RBFOX1: variants seen among roughly 807,000 people sequenced by gnomAD.
RBFOX1 encodes the protein RNA binding protein fox-1 homolog 1.
In RBFOX1, 8 loss-of-function variants were observed where a neutral mutation model predicts 57.7. That is an observed-to-expected ratio of 0.14 (90% CI 0.08 to 0.25). The LOEUF (loss-of-function observed/expected upper bound fraction) is 0.25, where lower values mean the gene tolerates loss of function less well. Ranked by LOEUF, RBFOX1 falls within the 10% of genes least tolerant of loss-of-function variation. The pLI is 1.00. For synonymous variants in RBFOX1, 326 were observed against 222.4 expected (o/e 1.47, Z -4.15); for missense variants, 611 against 548.5 (o/e 1.11, Z -1.14).
intron 5 of RBFOX1, among the ~76,000 whole-genome samples, chr16:7,551,286 G>C (rs984017086): frequency 3.3e-5 from 5 of 152,004 alleles, no homozygotes; most frequent in African/African-American, 1.2e-4. Flanking sequence ...TTAGAAAAAA[G>C]TCACCATACA....
intron 3 of RBFOX1, among the ~76,000 whole-genome samples, chr16:5,658,456 A>G (rs1197234152): frequency 6.6e-6 from 1 of 152,052 alleles, no homozygotes; most frequent in Non-Finnish European, 1.5e-5. Context: ...TCACTTGATG[A>G]GACTTGGGAT....
chr16:7,179,504 G>C (rs2082284128), intron 4 of RBFOX1, among the ~76,000 whole-genome samples: 1 of 152,062 alleles, frequency 6.6e-6, no homozygotes, highest in African/African-American at 2.4e-5. Context: ...CCAGGCTGCA[G>C]ACCAATTAAT....
chr16:5,310,881 G>C (rs1040267376), intron 1 of RBFOX1, among the ~76,000 whole-genome samples: 5 of 152,140 alleles, frequency 3.3e-5, no homozygotes, highest in Non-Finnish European at 7.3e-5. Flanking sequence ...AGTCTAAGTG[G>C]TTTTTGGTCA....
At chr16:6,325,762 A>C (rs2082299775) in intron 2 of RBFOX1, among the ~76,000 whole-genome samples, 1 of 152,196 alleles carries the variant, frequency 6.6e-6, no homozygotes, top group Middle Eastern at 3.2e-3. Flanking sequence ...ACTTTTGAGA[A>C]GCTCCAAAGC....
At chr16:6,677,122 G>A (rs530304573) in intron 3 of RBFOX1, among the ~76,000 whole-genome samples, 1 of 152,262 alleles carries the variant, frequency 6.6e-6, no homozygotes, top group East Asian at 1.9e-4. Flanking sequence ...TAAAAAAGTA[G>A]ATAGATACTT....
At position 6,693,654 on chromosome 16, in the gene RBFOX1, T is replaced by A. The variant is rs2060582260; in HGVS notation, c.-16+39004T>A. On this transcript the variant is annotated intron_variant, in intron 3 of 15. Transcript: ENST00000550418. ...TTCACTACCATCACCACCACAATCATCATCATCATCCTCATCTGCTACCAT... is the reference window on the plus strand; with the variant it reads ...TTCACTACCATCACCACCACAATCAACATCATCATCCTCATCTGCTACCAT... Among the ~76,000 whole-genome samples, 4 of 149,474 alleles carry A rather than the reference T, an allele frequency of 2.7e-5. No individual in the cohort carries two copies. The South Asian group carries it at 8.5e-4, about 32-fold the overall frequency.
At chr16:7,549,778 G>A (rs2085750284) in intron 5 of RBFOX1, among the ~76,000 whole-genome samples, 1 of 152,122 alleles carries the variant, frequency 6.6e-6, no homozygotes, top group African/African-American at 2.4e-5. Flanking sequence ...TGTCCACTCA[G>A]ATTGTACGTG....
At chr16:5,637,729 G>T (rs1204505256) in intron 3 of RBFOX1, among the ~76,000 whole-genome samples, 3 of 152,164 alleles carry the variant, frequency 2.0e-5, no homozygotes, top group African/African-American at 7.2e-5. Context: ...TGGAACAGGA[G>T]ATGTGTATAT....
chr16:5,872,267 A>G (rs1282483176), intron 4 of RBFOX1, among the ~76,000 whole-genome samples: 1 of 152,230 alleles, frequency 6.6e-6, no homozygotes, highest in Non-Finnish European at 1.5e-5. Flanking sequence ...TTACAGTGGA[A>G]AGAGCAAGAG....
intron 2 of RBFOX1, among the ~76,000 whole-genome samples, chr16:6,332,670 G>C (rs2083185031): frequency 6.6e-6 from 1 of 152,114 alleles, no homozygotes. Context: ...CCACATTAGG[G>C]GTTCTGGGAA....
In RBFOX1 at chr16:7,671,737, T is replaced by A; in HGVS notation, c.931-5037T>A. 5.2e-6 allele frequency: 4 copies of A among 770,548 alleles called. No individual in the cohort carries two copies. In the South Asian group the frequency reaches 6.3e-5, roughly 12 times the overall value. The allele number at this position is 770,548 out of a possible 1,614,324, so 47.7% of individuals were successfully genotyped here. On this transcript the variant is annotated intron_variant, in intron 13 of 15. Transcript: ENST00000550418. ...AAGACTTAACTGAATTTTCCAGTTTTAATATGAAATCTCCTAGAATAGAGG... is the reference window on the plus strand; with the variant it reads ...AAGACTTAACTGAATTTTCCAGTTTAAATATGAAATCTCCTAGAATAGAGG...
chr16:6,349,267 G>A lies in RBFOX1; in HGVS notation c.-64+32210G>A, dbSNP rs149133366. 3.6e-3 allele frequency among the ~76,000 whole-genome samples: 553 copies of A among 152,240 alleles called. 1 individual carries two copies. Among genetic ancestry groups the A allele is most frequent in the Non-Finnish European group, 6.6e-3 (446 of 68,014 alleles). ...ACTTTCTGTTATCCCTTACCTAGCC[G>A]ACGACTTGAGTGTAGAATTCACTCA... On this transcript the variant is annotated intron_variant, in intron 2 of 15. Transcript: ENST00000550418.
intron 2 of RBFOX1, among the ~76,000 whole-genome samples, chr16:6,374,683 C>T (rs1247086977): frequency 1.3e-5 from 2 of 152,310 alleles, no homozygotes; most frequent in Non-Finnish European, 2.9e-5. Context: ...GACCAAGTAA[C>T]ATTTTCCCAT....
At chr16:6,596,025 A>G (rs2097773533) in intron 2 of RBFOX1, among the ~76,000 whole-genome samples, 2 of 152,018 alleles carry the variant, frequency 1.3e-5, no homozygotes. Context: ...CTGAATAAAA[A>G]TTTTCAAATC....
intron 2 of RBFOX1, among the ~76,000 whole-genome samples, chr16:5,488,015 A>G (rs902098259): frequency 6.6e-6 from 1 of 152,086 alleles, no homozygotes; most frequent in Admixed American, 6.5e-5. Flanking sequence ...AGTGATGATG[A>G]TGATGATGGT....
At chr16:5,314,048 C>A (rs1017943408) in intron 1 of RBFOX1, among the ~76,000 whole-genome samples, 1 of 152,176 alleles carries the variant, frequency 6.6e-6, no homozygotes, top group Non-Finnish European at 1.5e-5. Context: ...TAATAATGAT[C>A]GCATAATGTG....
chr16:5,978,237 C>T (rs1596332487), intron 4 of RBFOX1, among the ~76,000 whole-genome samples: 2 of 149,774 alleles, frequency 1.3e-5, no homozygotes, highest in Admixed American at 1.3e-4. Context: ...TCACTTGCAC[C>T]CTGGAATTGG....
chr16:5,526,257 C>T (rs879892557), intron 2 of RBFOX1, among the ~76,000 whole-genome samples: 1 of 151,364 alleles, frequency 6.6e-6, no homozygotes, highest in East Asian at 1.9e-4. Flanking sequence ...GACAGCAACC[C>T]TAAGCAACAG....
chr16:6,019,529 G>A lies in RBFOX1; in HGVS notation c.-590G>A. The stretch of plus-strand genomic sequence containing the variant: ...ACCCGCGGTGGGGCGGGGGCGCTCT[G>A]CCAGCCCCGGGAACAGCAGAGGCGG... On this transcript the variant is annotated 5_prime_UTR_variant, in exon 1 of 16. Transcript: ENST00000550418. This position sits in a 1 kb window ranked among gnomAD's most constrained non-coding sequence, Gnocchi z 4.2. 9.3e-7 allele frequency: 1 copy of A among 1,072,052 alleles called. No individual in the cohort carries two copies. The highest frequency in any genetic ancestry group is 1.1e-6 in the Non-Finnish European group (1 of 886,014). 66.4% of individuals were successfully genotyped at this position (1,072,052 alleles called of 1,614,324 possible).
Sources: allele counts gnomAD v4.1 joint callset (sites outside exome capture counted in the v4.1 genomes callset), GRCh38; gene constraint gnomAD v4.1.1; non-coding constraint Gnocchi (gnomAD v3.1); transcripts MANE v1.5; gene names NCBI Gene and HGNC (gene_info 2026-07-23, HGNC 2026-07-21).